The following OPHN1 variants were observed in gnomAD, a reference collection of about 807,000 sequenced individuals.
OPHN1 encodes the protein oligophrenin-1.
Under a neutral mutation model 60.7 loss-of-function variants are expected in OPHN1, and 11 were observed. The ratio of observed to expected loss-of-function variants is 0.18; its 90% CI spans 0.11 to 0.30. The LOEUF (loss-of-function observed/expected upper bound fraction) is 0.30, where lower values mean the gene tolerates loss of function less well. Among genes scored for constraint, OPHN1 ranks in the 10% least tolerant of loss-of-function variants. The probability of loss-of-function intolerance (pLI) is 1.00; values close to 1 mark genes in which losing one functional copy is unlikely to be tolerated. For synonymous variants in OPHN1, 226 were observed against 222.6 expected, an observed-to-expected ratio of 1.02 and a Z score of -0.14; for missense variants, 449 against 611.0, an observed-to-expected ratio of 0.73 and a Z score of 2.80.
chrX:68,402,387 A>G (rs866325382), intron 2 of OPHN1, among the ~76,000 whole-genome samples: 7 of 105,343 alleles, frequency 6.6e-5, no homozygotes, highest in South Asian at 4.6e-4. Flanking sequence ...AGAAGAGAGA[A>G]AGAAGAGAAG....
chrX:68,433,625 T>TG (rs2078897439), upstream of OPHN1: 1 of 294,497 alleles, frequency 3.4e-6, no homozygotes, highest in South Asian at 2.2e-4. Context: ...ACTGTTTTCC[T>TG]TGTACCTTAG....
chrX:68,354,217 G>A (rs1257850127), intron 2 of OPHN1, among the ~76,000 whole-genome samples: 2 of 109,976 alleles, frequency 1.8e-5, no homozygotes, highest in Non-Finnish European at 3.8e-5. Context: ...GGCCGAGGCT[G>A]GCAGATTACT....
chrX:68,168,639 G>A (rs1220302634), intron 15 of OPHN1, among the ~76,000 whole-genome samples: 2 of 75,902 alleles, frequency 2.6e-5, no homozygotes, highest in Non-Finnish European at 5.3e-5. Context: ...CAGAAGGCAA[G>A]AAATAACTAA....
intron 2 of OPHN1, among the ~76,000 whole-genome samples, chrX:68,343,760 T>G (rs778666737): frequency 9.0e-6 from 1 of 111,366 alleles, no homozygotes; most frequent in Non-Finnish European, 1.9e-5. Flanking sequence ...AAAAGCAATA[T>G]TTGCCATGTC....
intron 15 of OPHN1, among the ~76,000 whole-genome samples, chrX:68,167,523 GT>G (rs2077364236): frequency 9.1e-6 from 1 of 110,228 alleles, no homozygotes; most frequent in Non-Finnish European, 1.9e-5. Flanking sequence ...ATATGTGTGT[GT>G]GTGTGTGTAT....
chrX:68,063,352 C>A (rs2076900370), intron 21 of OPHN1, among the ~76,000 whole-genome samples: 1 of 110,292 alleles, frequency 9.1e-6, no homozygotes, highest in Admixed American at 9.6e-5. Context: ...AAAACCCTGT[C>A]TCTACTAAAA....
At chrX:68,304,992 G>T (rs779574737) in intron 2 of OPHN1, among the ~76,000 whole-genome samples, 1 of 111,650 alleles carries the variant, frequency 9.0e-6, no homozygotes, top group South Asian at 3.7e-4. Context: ...AATAGTTTAA[G>T]ATTATGGTGA....
chrX:68,302,842 T>C (rs939645111), intron 2 of OPHN1, among the ~76,000 whole-genome samples: 4 of 111,073 alleles, frequency 3.6e-5, no homozygotes, highest in Non-Finnish European at 7.5e-5. Flanking sequence ...GAGGACTGAT[T>C]GAGCCCAGGA....
At chrX:68,258,403 C>G (rs868295495) in intron 5 of OPHN1, among the ~76,000 whole-genome samples, 1 of 48,416 alleles carries the variant, frequency 2.1e-5, no homozygotes, top group Non-Finnish European at 3.0e-5. Flanking sequence ...TCCCCCCTCC[C>G]CCCTCCTCCA....
chrX:68,317,283 G>C (rs113327003), intron 2 of OPHN1, among the ~76,000 whole-genome samples: 241 of 96,791 alleles, frequency 2.5e-3, no homozygotes, highest in African/African-American at 8.7e-3. Flanking sequence ...CTGGGCAACA[G>C]AGTGAAAATC....
chrX:68,327,062 T>C (rs761308077), intron 2 of OPHN1, among the ~76,000 whole-genome samples: 2 of 30,774 alleles, frequency 6.5e-5, no homozygotes, highest in African/African-American at 7.1e-4. Flanking sequence ...CCAGCCGCCC[T>C]ATCCAGGAGG....
intron 5 of OPHN1, among the ~76,000 whole-genome samples, chrX:68,255,737 AC>A (rs1349984072): frequency 3.6e-5 from 4 of 109,884 alleles, no homozygotes; most frequent in African/African-American, 1.3e-4. Flanking sequence ...ACACACACAC[AC>A]AAACACACAC....
chrX:68,277,662 A>G (rs1569266974), intron 4 of OPHN1, among the ~76,000 whole-genome samples: 1 of 110,925 alleles, frequency 9.0e-6, no homozygotes, highest in Non-Finnish European at 1.9e-5. Flanking sequence ...GAGGTGGCAC[A>G]TGCCTGTAAT....
intron 2 of OPHN1, among the ~76,000 whole-genome samples, chrX:68,430,813 G>T (rs905823587): frequency 1.6e-4 from 18 of 109,770 alleles, no homozygotes; most frequent in African/African-American, 5.7e-4. Context: ...GACAAAGCAA[G>T]ACTTCATCTC....
intron 3 of OPHN1, 86 bp from the exon 4 acceptor site, chrX:68,283,203 G>C (rs1452750940): frequency 1.0e-5 from 8 of 779,136 alleles, no homozygotes; most frequent in African/African-American, 6.2e-5. Context: ...AGGAAGTAGG[G>C]ACCAGTGCCC....
chrX:68,108,144 A>T (rs1396969548), intron 18 of OPHN1, among the ~76,000 whole-genome samples: 1 of 112,328 alleles, frequency 8.9e-6, no homozygotes, highest in Non-Finnish European at 1.9e-5. Flanking sequence ...GTTGGCTCAA[A>T]CATCATCAGT....
At chrX:68,354,157 T>C (rs777830412) in intron 2 of OPHN1, among the ~76,000 whole-genome samples, 2 of 110,845 alleles carry the variant, frequency 1.8e-5, no homozygotes, top group South Asian at 7.6e-4. Flanking sequence ...TGAGAAGTTA[T>C]GATAAGGCCA....
chrX:68,149,516 A>G (rs1282968630), intron 15 of OPHN1, among the ~76,000 whole-genome samples: 4 of 111,735 alleles, frequency 3.6e-5, no homozygotes, highest in Middle Eastern at 4.7e-3. Flanking sequence ...AGCAAAGAAG[A>G]TATACAAATG....
At chrX:68,324,336 C>G (rs1286318994) in intron 2 of OPHN1, among the ~76,000 whole-genome samples, 5 of 109,946 alleles carry the variant, frequency 4.5e-5, no homozygotes, top group Non-Finnish European at 7.6e-5. Context: ...GGCATGGTGG[C>G]TCTTGCCTTT....
Sources: gnomAD v4.1 joint callset for allele counts (sites outside exome capture counted in the v4.1 genomes callset) on GRCh38, gnomAD v4.1.1 for gene constraint, MANE v1.5 for transcripts, NCBI Gene and HGNC (gene_info 2026-07-23, HGNC 2026-07-21) for gene names.